Variants in INTS8 observed in about 807,000 individuals in gnomAD.
INTS8 encodes the protein integrator complex subunit 8.
In INTS8, 47 loss-of-function variants were observed where a neutral mutation model predicts 138.9. The ratio of observed to expected loss-of-function variants is 0.34; its 90% CI spans 0.27 to 0.43. The LOEUF (loss-of-function observed/expected upper bound fraction) is 0.43. INTS8 is among the 20% of genes least tolerant of loss of function. INTS8 has a pLI of 1.00. For synonymous variants in INTS8, 392 were observed against 400.9 expected (o/e 0.98, Z 0.27); for missense variants, 996 against 1,173.0 (o/e 0.85, Z 2.20).
At chr8:94,827,859 T>C (rs1183944462) in intron 4 of INTS8, 66 bp downstream of exon 4, 2 of 1,243,424 alleles carry the variant, frequency 1.6e-6, no homozygotes, top group Admixed American at 1.7e-5. Context: ...TGTTTGCAAG[T>C]TTTTAATAAC....
chr8:94,872,972 TC>T (rs2131073916), intron 21 of INTS8, among the ~76,000 whole-genome samples: 1 of 152,306 alleles, frequency 6.6e-6, no homozygotes, highest in Admixed American at 6.5e-5. Context: ...TTTCACGTGT[TC>T]CCTTTCCCAC....
At chr8:94,874,188 A>G (rs1420451628) in intron 22 of INTS8, among the ~76,000 whole-genome samples, 1 of 151,472 alleles carries the variant, frequency 6.6e-6, no homozygotes, top group Non-Finnish European at 1.5e-5. Flanking sequence ...AATTTGTGCC[A>G]TTTGACCTAC....
chr8:94,871,915 A>G lies in INTS8; in HGVS notation c.2446A>G (p.Ile816Val), dbSNP rs144329224. Reference protein sequence around the residue: ...LQSVDFEAVAITVKELVRYTL... With the variant: ...LQSVDFEAVAVTVKELVRYTL... ...GTCTGTGGACTTTGAAGCTGTGGCA[A>G]TCACAGTGAAAGAGCTAGTTCGATA... Residue 816 changes from isoleucine to valine, a missense_variant, in exon 21 of 27, where the codon ATC (isoleucine) becomes GTC (valine). Physicochemically the swap from Ile to Val is conservative, Grantham distance 29 (BLOSUM62 3). Transcript: ENST00000523731. The G allele has an allele frequency of 2.4e-4, 387 of 1,605,748 alleles. 1 individual carries two copies. The African/African-American group carries it at 4.7e-3, about 20-fold the overall frequency.
chr8:94,850,158 A>C lies in INTS8; in HGVS notation c.1507+67A>C. 5 of 1,085,522 alleles carry C rather than the reference A, an allele frequency of 4.6e-6. No homozygotes were observed. The South Asian group carries it at 6.3e-5, about 14-fold the overall frequency. The allele number at this position is 1,085,522 out of a possible 1,614,324, so 67.2% of individuals were successfully genotyped here. A position where few individuals can be genotyped will look rare whatever the true frequency, so the allele number is the denominator to read the frequency against. On this transcript the variant is annotated intron_variant, in intron 12 of 26. Coordinates refer to ENST00000523731, the MANE Select transcript of INTS8 (RefSeq NM_017864.4). ...GCCCCTCTATTCAAATTAACCTTGAAATATATTTGAGGATTCTCTCTTGTT... is the reference window on the plus strand; with the variant it reads ...GCCCCTCTATTCAAATTAACCTTGACATATATTTGAGGATTCTCTCTTGTT...
intron 5 of INTS8, 61 bp from the exon 6 acceptor site, chr8:94,831,931 T>C: frequency 7.4e-7 from 1 of 1,348,970 alleles, no homozygotes; most frequent in African/African-American, 1.5e-5. Context: ...ACTGTAAATA[T>C]TTTTGGTTAT....
intron 15 of INTS8, among the ~76,000 whole-genome samples, chr8:94,859,083 TAGTG>T (rs1268871519): frequency 1.3e-5 from 2 of 151,008 alleles, no homozygotes; most frequent in African/African-American, 2.4e-5. Flanking sequence ...CTGGACAACA[TAGTG>T]AGACCCCATC....
intron 7 of INTS8, among the ~76,000 whole-genome samples, chr8:94,838,029 T>C (rs964475925): frequency 4.0e-5 from 6 of 151,416 alleles, no homozygotes; most frequent in African/African-American, 1.5e-4. Context: ...TCTTCCAGTT[T>C]TAAATTTTTC....
chr8:94,869,424 T>C (rs1486453463), intron 20 of INTS8, among the ~76,000 whole-genome samples: 5 of 152,108 alleles, frequency 3.3e-5, no homozygotes, highest in African/African-American at 9.7e-5. Flanking sequence ...CCTTCCAGGT[T>C]TGAGCAATTA....
At chr8:94,824,818 A>G (rs1324667510) in intron 1 of INTS8, 75 bp from the exon 2 acceptor site, 2 of 242,920 alleles carry the variant, frequency 8.2e-6, no homozygotes, top group Non-Finnish European at 1.3e-5. Flanking sequence ...CAAAAAAACC[A>G]AACCAATAGT....
At chr8:94,847,377 G>C (rs1815369805) in intron 10 of INTS8, among the ~76,000 whole-genome samples, 1 of 151,984 alleles carries the variant, frequency 6.6e-6, no homozygotes, top group African/African-American at 2.4e-5. Flanking sequence ...TCCTTCCTTT[G>C]ATTTTGGTGT....
chr8:94,866,974 G>A (rs1195979631), intron 18 of INTS8, 166 bp from the exon 19 acceptor site: 3 of 563,894 alleles, frequency 5.3e-6, no homozygotes, highest in Non-Finnish European at 9.4e-6. Context: ...CCCCACATGC[G>A]ATTAAAAAGT....
intron 18 of INTS8, chr8:94,866,890 G>A: frequency 2.5e-6 from 1 of 403,184 alleles, no homozygotes; most frequent in Non-Finnish European, 4.4e-6. Context: ...GAGGAGTTGA[G>A]CGTGGAGATA....
At position 94,876,194 on chromosome 8, in the gene INTS8, A is replaced by C. The variant is rs1816558378; in HGVS notation, c.2763-27A>C. On this transcript the variant is annotated intron_variant, in intron 24 of 26. Coordinates refer to ENST00000523731, the MANE Select transcript of INTS8 (RefSeq NM_017864.4). ...TAATGAGGTCAACATTTTTCTGCTT[A>C]AGAAGTAACTGAATTCTGTCTTTCA... 3.7e-6 allele frequency: 6 copies of C among 1,607,108 alleles called. No individual in the cohort carries two copies. The African/African-American group carries it at 6.7e-5, about 18-fold the overall frequency.
At chr8:94,871,112 C>T (rs1347699500) in intron 20 of INTS8, among the ~76,000 whole-genome samples, 2 of 152,100 alleles carry the variant, frequency 1.3e-5, no homozygotes, top group African/African-American at 2.4e-5. Flanking sequence ...GGCCACAAGG[C>T]AACATTGTCA....
chr8:94,877,916 A>T (rs974258799), intron 26 of INTS8, among the ~76,000 whole-genome samples: 1 of 152,074 alleles, frequency 6.6e-6, no homozygotes, highest in Non-Finnish European at 1.5e-5. Flanking sequence ...CTCAAATACA[A>T]CAAATACTAT....
chr8:94,858,493 G>C (rs975654974), intron 15 of INTS8, among the ~76,000 whole-genome samples: 6 of 152,166 alleles, frequency 3.9e-5, no homozygotes, highest in African/African-American at 1.4e-4. Context: ...TTTAAAAGTG[G>C]GAGGTAGGTT....
intron 26 of INTS8, among the ~76,000 whole-genome samples, chr8:94,878,749 G>A (rs1472141550): frequency 2.6e-5 from 4 of 152,122 alleles, no homozygotes; most frequent in Non-Finnish European, 5.9e-5. Flanking sequence ...TGCCATCACT[G>A]CTCTTACTTT....
At chr8:94,831,240 AG>A (rs1396814970) in intron 5 of INTS8, among the ~76,000 whole-genome samples, 1 of 151,764 alleles carries the variant, frequency 6.6e-6, no homozygotes, top group Non-Finnish European at 1.5e-5. Context: ...CAGCCTCCCT[AG>A]TAGCTGGGAT....
At chr8:94,857,297 C>G (rs1348651769) in intron 15 of INTS8, among the ~76,000 whole-genome samples, 1 of 151,990 alleles carries the variant, frequency 6.6e-6, no homozygotes, top group Non-Finnish European at 1.5e-5. Context: ...GTTTTGAACT[C>G]CTGACCTCAG....
Sources: allele counts gnomAD v4.1 joint callset (sites outside exome capture counted in the v4.1 genomes callset), GRCh38; gene constraint gnomAD v4.1.1; transcripts MANE v1.5; gene names NCBI Gene and HGNC (gene_info 2026-07-23, HGNC 2026-07-21).